The following ARFGEF3 variants were observed in gnomAD, a reference collection of about 807,000 sequenced individuals.
The protein encoded by ARFGEF3 is ARFGEF family member 3, also known as brefeldin A-inhibited guanine nucleotide-exchange protein 3.
Under a neutral mutation model 221.7 loss-of-function variants are expected in ARFGEF3, and 96 were observed. The ratio of observed to expected loss-of-function variants is 0.43; its 90% CI spans 0.37 to 0.51. ARFGEF3 has a LOEUF of 0.51. Ranked by LOEUF, ARFGEF3 falls within the 20% of genes least tolerant of loss-of-function variation. The pLI is 0.00. For synonymous variants in ARFGEF3, 1,145 were observed against 1,126.8 expected (o/e 1.02, Z -0.32); for missense variants, 2,410 against 2,789.9 (o/e 0.86, Z 3.07).
intron 31 of ARFGEF3, among the ~76,000 whole-genome samples, chr6:138,326,315 G>C (rs1780125761): frequency 6.6e-6 from 1 of 151,900 alleles, no homozygotes; most frequent in Non-Finnish European, 1.5e-5. Context: ...GGGCATGGTG[G>C]CTCATGCCTG....
chr6:138,225,909 C>T (rs1410828422), intron 4 of ARFGEF3, among the ~76,000 whole-genome samples: 1 of 152,154 alleles, frequency 6.6e-6, no homozygotes, highest in Non-Finnish European at 1.5e-5. Flanking sequence ...CTCATCTGCA[C>T]TATTTCTTTA....
At chr6:138,282,789 C>T (rs1431998260) in intron 14 of ARFGEF3, among the ~76,000 whole-genome samples, 1 of 152,166 alleles carries the variant, frequency 6.6e-6, no homozygotes, top group African/African-American at 2.4e-5. Flanking sequence ...TGGCTCACGC[C>T]AATAATCCTA....
intron 4 of ARFGEF3, among the ~76,000 whole-genome samples, chr6:138,213,462 A>C (rs950889119): frequency 6.6e-6 from 1 of 151,854 alleles, no homozygotes; most frequent in Non-Finnish European, 1.5e-5. Flanking sequence ...CAAAAAAAAA[A>C]ATATTGTCAC....
chr6:138,218,007 A>G lies in ARFGEF3; in HGVS notation c.351+7966A>G, dbSNP rs765514107. 16 of 1,611,784 alleles carry G rather than the reference A, an allele frequency of 9.9e-6. No individual in the cohort carries two copies. The highest frequency in any genetic ancestry group is 8.3e-5 in the Admixed American group (5 of 59,910). On this transcript the variant is annotated intron_variant, in intron 4 of 33. Coordinates refer to ENST00000251691, the MANE Select transcript of ARFGEF3 (RefSeq NM_020340.5). ...GAGAGTTTATATGATCTGTGGATGT[A>G]TAGTTTTGGATAAGTAGAGAAGACA...
chr6:138,223,747 C>T (rs993412745), intron 4 of ARFGEF3, among the ~76,000 whole-genome samples: 1 of 152,016 alleles, frequency 6.6e-6, no homozygotes, highest in Non-Finnish European at 1.5e-5. Context: ...TGTGTTATAA[C>T]GTGAAATTTA....
chr6:138,315,836 C>T (rs572557656), intron 26 of ARFGEF3, among the ~76,000 whole-genome samples: 4 of 143,326 alleles, frequency 2.8e-5, no homozygotes, highest in Non-Finnish European at 6.0e-5. Context: ...GGTGACAAAG[C>T]GAGACTGCAT....
chr6:138,174,766 G>A (rs1776905338), intron 2 of ARFGEF3, among the ~76,000 whole-genome samples: 1 of 151,988 alleles, frequency 6.6e-6, no homozygotes, highest in African/African-American at 2.4e-5. Context: ...CCTTTGCTCT[G>A]CTTTTTCCTA....
intron 21 of ARFGEF3, among the ~76,000 whole-genome samples, chr6:138,297,362 T>C (rs192115313): frequency 6.6e-6 from 1 of 152,340 alleles, no homozygotes; most frequent in East Asian, 1.9e-4. Context: ...GACAGTGTCC[T>C]TTCAGTCAGG....
intron 14 of ARFGEF3, among the ~76,000 whole-genome samples, chr6:138,284,989 T>C (rs1779260934): frequency 6.6e-6 from 1 of 152,192 alleles, no homozygotes; most frequent in Non-Finnish European, 1.5e-5. Flanking sequence ...AAAAGTATGC[T>C]ATTATAATCT....
chr6:138,291,910 GGCCCCTGTCGTCCA>G lies in ARFGEF3; in HGVS notation c.3235_3248del (p.Val1079HisfsTer43). 6.7e-7 allele frequency: 1 copy of G among 1,485,888 alleles called. No individual in the cohort carries two copies. The highest frequency in any genetic ancestry group is 9.0e-7 in the Non-Finnish European group (1 of 1,113,518). The allele number at this position is 1,485,888 out of a possible 1,614,324, so 92.0% of individuals were successfully genotyped here. The stretch of plus-strand genomic sequence containing the variant: ...CGGAGCAGGGGCGCTCCCTGAGCAC[GGCCCCTGTCGTCCA>G]GCCCCTGTCCATCCAGGACCTCGTC... On this transcript the variant is annotated frameshift_variant, in exon 19 of 34. Coordinates refer to ENST00000251691, the MANE Select transcript of ARFGEF3 (RefSeq NM_020340.5). LOFTEE classifies it high-confidence loss of function. This position sits in a 1 kb window ranked among gnomAD's most constrained non-coding sequence, Gnocchi z 4.5.
chr6:138,321,221 AT>A lies in ARFGEF3; in HGVS notation c.4764del (p.Arg1589AspfsTer5). 1 of 1,509,886 alleles carries A rather than the reference AT, an allele frequency of 6.6e-7. No individual in the cohort carries two copies. The highest frequency in any genetic ancestry group is 9.0e-7 in the Non-Finnish European group (1 of 1,113,640). The allele number at this position is 1,509,886 out of a possible 1,614,324, so 93.5% of individuals were successfully genotyped here. On this transcript the variant is annotated frameshift_variant, in exon 29 of 34. Coordinates refer to ENST00000251691, the MANE Select transcript of ARFGEF3 (RefSeq NM_020340.5). LOFTEE classifies it high-confidence loss of function. ...ETISRVGCSCIRYVLVTAGPV... is the reference protein window; with the variant it reads ...ETISRVGCSCXRYVLVTAGPV... ...CATCTCCAGAGTGGGCTGCTCCTGT[AT>A]TAGGTGAGGAAATGCTTTCCTGACT...
At chr6:138,280,580 G>T (rs996571752) in intron 14 of ARFGEF3, among the ~76,000 whole-genome samples, 2 of 152,222 alleles carry the variant, frequency 1.3e-5, no homozygotes, top group South Asian at 4.1e-4. Context: ...GCCAAGTGCC[G>T]TGGCTCATGC....
intron 6 of ARFGEF3, among the ~76,000 whole-genome samples, chr6:138,241,391 TG>T (rs1778391238): frequency 1.3e-5 from 2 of 152,222 alleles, no homozygotes; most frequent in African/African-American, 4.8e-5. Flanking sequence ...TTAGATTTAC[TG>T]GGCACTAAGT....
chr6:138,215,570 A>G (rs1035474094), intron 4 of ARFGEF3, among the ~76,000 whole-genome samples: 1 of 152,050 alleles, frequency 6.6e-6, no homozygotes, highest in Non-Finnish European at 1.5e-5. Flanking sequence ...CTGGAGTTAA[A>G]CCTGTGCTCT....
chr6:138,194,173 C>T (rs1274088257), intron 2 of ARFGEF3, among the ~76,000 whole-genome samples: 1 of 150,554 alleles, frequency 6.6e-6, no homozygotes, highest in East Asian at 1.9e-4. Context: ...GAGGCTGAGG[C>T]AGGAGAATCA....
chr6:138,269,644 A>G (rs1280710289), intron 12 of ARFGEF3, among the ~76,000 whole-genome samples: 1 of 152,044 alleles, frequency 6.6e-6, no homozygotes, highest in African/African-American at 2.4e-5. Context: ...CCCCGTCTGT[A>G]CTAAAAATAC....
intron 10 of ARFGEF3, 85 bp downstream of exon 10, chr6:138,255,854 G>A (rs1778668684): frequency 8.4e-7 from 1 of 1,184,566 alleles, no homozygotes; most frequent in Non-Finnish European, 1.2e-6. Context: ...GAAAAGGCTT[G>A]CCAATCACTT....
chr6:138,245,258 C>T (rs1473890144), intron 7 of ARFGEF3, among the ~76,000 whole-genome samples: 2 of 152,120 alleles, frequency 1.3e-5, no homozygotes, highest in African/African-American at 4.8e-5. Flanking sequence ...GCCAAGATTG[C>T]GCCACTGCAC....
At chr6:138,318,809 T>G (rs1190451745) in intron 27 of ARFGEF3, among the ~76,000 whole-genome samples, 2 of 152,222 alleles carry the variant, frequency 1.3e-5, no homozygotes, top group Non-Finnish European at 2.9e-5. Context: ...ATTTTCATTA[T>G]AGCATAGTCT....
Sources: gnomAD v4.1 joint callset for allele counts (sites outside exome capture counted in the v4.1 genomes callset) on GRCh38, gnomAD v4.1.1 for gene constraint, Gnocchi (gnomAD v3.1) non-coding constraint, MANE v1.5 for transcripts, NCBI Gene and HGNC (gene_info 2026-07-23, HGNC 2026-07-21) for gene names.